DNAH9: variants seen among roughly 807,000 people sequenced by gnomAD.
The protein encoded by DNAH9 is dynein axonemal heavy chain 9.
Under a neutral mutation model 471.6 loss-of-function variants are expected in DNAH9, and 345 were observed. The ratio of observed to expected loss-of-function variants is 0.73; its 90% confidence interval spans 0.67 to 0.80. DNAH9 has a LOEUF of 0.80. Among genes scored for constraint, DNAH9 ranks in the 30% least tolerant of loss-of-function variants. DNAH9 has a pLI of 0.00. For missense variants in DNAH9, 5,407 were observed against 5,609.2 expected (o/e 0.96, Z 1.15); for synonymous variants, 2,093 against 2,123.6 (o/e 0.99, Z 0.40).
chr17:11,669,845 C>A, intron 17 of DNAH9, 51 bp downstream of exon 17: 1 of 1,465,870 alleles, frequency 6.8e-7, no homozygotes, highest in South Asian at 1.2e-5. Flanking sequence ...GTGAGGAACA[C>A]CATGTTTTTA....
intron 50 of DNAH9, among the ~76,000 whole-genome samples, chr17:11,859,734 G>GAA (rs922546803): frequency 3.9e-5 from 6 of 152,144 alleles, no homozygotes; most frequent in African/African-American, 1.4e-4. Context: ...GCAAGAGAGA[G>GAA]AAGAGGGAGG....
chr17:11,638,191 G>A (rs1023393651), intron 9 of DNAH9, among the ~76,000 whole-genome samples: 11 of 152,240 alleles, frequency 7.2e-5, no homozygotes, highest in Middle Eastern at 3.4e-3. Context: ...TAGGTTTCAC[G>A]GTGAGGTCAT....
At chr17:11,840,143 G>A (rs1276009596) in intron 49 of DNAH9, among the ~76,000 whole-genome samples, 1 of 152,178 alleles carries the variant, frequency 6.6e-6, no homozygotes, top group East Asian at 1.9e-4. Flanking sequence ...ATTCCCAAAA[G>A]CCAAAATATG....
chr17:11,876,311 G>C (rs1375804444), intron 53 of DNAH9, among the ~76,000 whole-genome samples: 1 of 152,042 alleles, frequency 6.6e-6, no homozygotes, highest in African/African-American at 2.4e-5. Context: ...AATGCTTAAG[G>C]ACATGGATAC....
chr17:11,651,261 G>C lies in DNAH9; in HGVS notation c.2290G>C (p.Glu764Gln). 1 of 1,614,028 alleles carries C rather than the reference G, an allele frequency of 6.2e-7. No homozygotes were observed. Among genetic ancestry groups the C allele is most frequent in the Non-Finnish European group, 8.5e-7 (1 of 1,179,948 alleles). Reference sequence around the variant, plus strand: ...GGTGGAATTTCCATTAGTGGAGGAAGAGCTGCAAAATATTGATCTCCGCCT... The same window carrying C: ...GGTGGAATTTCCATTAGTGGAGGAACAGCTGCAAAATATTGATCTCCGCCT... ...LEVEFPLVEE[E>Q]LQNIDLRLRA... Residue 764 changes from glutamate to glutamine, a missense_variant, in exon 13 of 69, where the codon GAG becomes CAG. Coordinates refer to ENST00000262442, the MANE Select transcript of DNAH9 (RefSeq NM_001372.4).
intron 26 of DNAH9, among the ~76,000 whole-genome samples, chr17:11,707,621 G>A (rs75262927): frequency 0.011 from 1,657 of 151,876 alleles, 34 homozygotes; most frequent in African/African-American, 0.038. Context: ...CTCTTACTCT[G>A]TATCTCTCTT....
intron 27 of DNAH9, among the ~76,000 whole-genome samples, chr17:11,721,240 G>A (rs963595768): frequency 5.9e-5 from 9 of 152,110 alleles, no homozygotes; most frequent in African/African-American, 1.9e-4. Flanking sequence ...CAGGGTGAAC[G>A]GGGGAGTCTA....
chr17:11,723,309 C>A (rs912855080), intron 27 of DNAH9: 1 of 152,280 alleles, frequency 6.6e-6, no homozygotes, highest in African/African-American at 2.4e-5. Flanking sequence ...TGGGTTACTT[C>A]ATGTCCTTCC....
chr17:11,800,209 G>A (rs1567810939), intron 43 of DNAH9, among the ~76,000 whole-genome samples: 1 of 151,992 alleles, frequency 6.6e-6, no homozygotes, highest in African/African-American at 2.4e-5. Flanking sequence ...AACAGCCTAT[G>A]TGTATCCCTG....
intron 62 of DNAH9, among the ~76,000 whole-genome samples, chr17:11,926,242 T>C (rs955583030): frequency 6.6e-6 from 1 of 151,460 alleles, no homozygotes; most frequent in Non-Finnish European, 1.5e-5. Flanking sequence ...ACAGGCCTTC[T>C]TTTTTTTTCT....
rs762871643 is a variant in DNAH9, at chr17:11,902,920, A to G, written c.11600+8A>G. The G allele has an allele frequency of 1.1e-5, 17 of 1,610,922 alleles. No homozygotes were observed. In the Admixed American group the frequency reaches 2.7e-4, roughly 25 times the overall value. On this transcript the variant is annotated splice_region_variant and intron_variant, in intron 60 of 68. Coordinates refer to ENST00000262442, the MANE Select transcript of DNAH9 (RefSeq NM_001372.4). ...GATGACCTATGCTTTGCGGTAGGAAACAGGGTGGTGGAAGGCCCAGCATAG... is the reference window on the plus strand; with the variant it reads ...GATGACCTATGCTTTGCGGTAGGAAGCAGGGTGGTGGAAGGCCCAGCATAG...
intron 61 of DNAH9, among the ~76,000 whole-genome samples, chr17:11,909,339 A>G (rs1049104138): frequency 6.6e-6 from 1 of 152,072 alleles, no homozygotes; most frequent in African/African-American, 2.4e-5. Flanking sequence ...TAAATCACAC[A>G]CCAAGCCAAC....
intron 1 of DNAH9, among the ~76,000 whole-genome samples, chr17:11,604,347 G>A (rs894243897): frequency 8.6e-5 from 13 of 151,930 alleles, no homozygotes; most frequent in Non-Finnish European, 1.6e-4. Flanking sequence ...AACACCAGAT[G>A]GTCCTACGGC....
intron 8 of DNAH9, among the ~76,000 whole-genome samples, chr17:11,634,674 A>G (rs749954877): frequency 2.6e-5 from 4 of 152,186 alleles, no homozygotes; most frequent in South Asian, 2.1e-4. Context: ...ATCCTCCCCA[A>G]TGGAAGGCTT....
chr17:11,773,355 TTGTC>T (rs1597625285), intron 38 of DNAH9, among the ~76,000 whole-genome samples: 1 of 152,184 alleles, frequency 6.6e-6, no homozygotes. Context: ...AACAGCCTAA[TTGTC>T]TGTATGATAG....
intron 62 of DNAH9, among the ~76,000 whole-genome samples, chr17:11,926,257 CTTTTA>C (rs1458607342): frequency 1.3e-5 from 2 of 151,594 alleles, no homozygotes; most frequent in East Asian, 1.9e-4. Context: ...TTTTCTTCAA[CTTTTA>C]TTTTAAGTTC....
At chr17:11,859,126 G>A (rs1290100754) in intron 50 of DNAH9, among the ~76,000 whole-genome samples, 3 of 146,468 alleles carry the variant, frequency 2.0e-5, no homozygotes, top group Non-Finnish European at 4.5e-5. Flanking sequence ...ACAAACTGCA[G>A]TTACAGCCAG....
At chr17:11,896,965 C>T (rs1190575988) in intron 59 of DNAH9, among the ~76,000 whole-genome samples, 1 of 152,164 alleles carries the variant, frequency 6.6e-6, no homozygotes, top group East Asian at 1.9e-4. Flanking sequence ...TGGCACACAC[C>T]TGTAATCCCA....
In DNAH9 at chr17:11,768,599, C is replaced by T. The variant is rs761200904; in HGVS notation, c.7317C>T (p.Phe2439=). The T allele has an allele frequency of 3.7e-5, 59 of 1,613,938 alleles. No homozygotes were observed. The East Asian group carries it at 1.2e-3, about 32-fold the overall frequency. The change falls in exon 37 of 69, where the codon TTC becomes TTT. Residue 2439 remains phenylalanine, a synonymous_variant. Transcript: ENST00000262442. ...CTTGGTCCAAGCTCGTCCCCCAGTT[C>T]GAATTTGACCCCGAGATGCCCTTGC... ...FEPWSKLVPQ[F]EFDPEMPLQA... is the part of the protein sequence containing the mutation.
Sources: allele counts gnomAD v4.1 joint callset (sites outside exome capture counted in the v4.1 genomes callset), GRCh38; gene constraint gnomAD v4.1.1; transcripts MANE v1.5; gene names NCBI Gene and HGNC (gene_info 2026-07-23, HGNC 2026-07-21).